SYNE1: variants seen among roughly 807,000 people sequenced by gnomAD.
SYNE1 encodes nesprin-1.
A neutral mutation model predicts 1,111.0 loss-of-function variants in SYNE1; 616 were observed. That is an observed-to-expected ratio of 0.55 (90% confidence interval 0.52 to 0.59). SYNE1 has a LOEUF of 0.59. SYNE1 is among the 20% of genes least tolerant of loss of function. The probability of loss-of-function intolerance (pLI) is 0.00; values close to 1 mark genes in which losing one functional copy is unlikely to be tolerated. For missense variants in SYNE1, 10,006 were observed against 10,417.0 expected (o/e 0.96, Z 1.72); for synonymous variants, 3,855 against 3,825.8 (o/e 1.01, Z -0.28).
At chr6:152,390,988 A>G (rs1430068674) in intron 52 of SYNE1, among the ~76,000 whole-genome samples, 1 of 152,172 alleles carries the variant, frequency 6.6e-6, no homozygotes, top group Non-Finnish European at 1.5e-5. Flanking sequence ...TTTTATCTCT[A>G]TATTCCCAGC....
rs1317244788 is a variant in SYNE1, at chr6:152,416,916, G to A, written c.5521C>T (p.Leu1841Phe). 1.9e-6 allele frequency: 3 copies of A among 1,614,008 alleles called. No individual in the cohort carries two copies. Among genetic ancestry groups the A allele is most frequent in the Non-Finnish European group, 2.5e-6 (3 of 1,180,012 alleles). The change falls in exon 41 of 146, where the codon CTC becomes TTC. Residue 1841 changes from leucine to phenylalanine, a missense_variant. Around this residue, in one of 7 missense-constraint regions of SYNE1, gnomAD observed 4,955 missense variants for 5,017.2 expected, o/e 0.99. Transcript: ENST00000367255. ...CAGTCCTCAGCCTTTCCCTGCAGGA[G>A]GTGGAGGTCCTCAGCACGGCCCAGA... ...GSLGRAEDLH[L>F]LQGKAEDCFQ...
chr6:152,506,984 G>A (rs1166478985), intron 8 of SYNE1, among the ~76,000 whole-genome samples: 1 of 152,062 alleles, frequency 6.6e-6, no homozygotes, highest in Admixed American at 6.6e-5. Flanking sequence ...TTGATCATTG[G>A]CTTCATCAAT....
intron 11 of SYNE1, among the ~76,000 whole-genome samples, chr6:152,493,170 A>C (rs1183162254): frequency 2.6e-5 from 4 of 151,972 alleles, no homozygotes; most frequent in Admixed American, 1.3e-4. Flanking sequence ...ATTAAAATCT[A>C]ATCATCCTTA....
intron 95 of SYNE1, among the ~76,000 whole-genome samples, chr6:152,285,826 C>CT (rs1439289603): frequency 1.3e-5 from 2 of 152,060 alleles, no homozygotes; most frequent in African/African-American, 4.8e-5. Flanking sequence ...TTTTATTTCT[C>CT]TTTTTTGGAG....
chr6:152,574,130 T>C (rs1362330859), intron 3 of SYNE1, among the ~76,000 whole-genome samples: 1 of 145,932 alleles, frequency 6.9e-6, no homozygotes, highest in Admixed American at 6.7e-5. Context: ...TCTACAGTTA[T>C]GGAATATATA....
intron 91 of SYNE1, 126 bp from the exon 92 acceptor site, chr6:152,302,189 T>A: frequency 1.5e-6 from 2 of 1,293,450 alleles, no homozygotes; most frequent in Non-Finnish European, 2.2e-6. Context: ...GGAGGCAGGA[T>A]GTGTAGGCGG....
rs1442714301 is a variant in SYNE1 at position 152,450,753 on chromosome 6, TG to T, written c.3266del (p.Pro1089GlnfsTer6). 6.2e-7 allele frequency: 1 copy of T among 1,614,000 alleles called. No homozygotes were observed. Among genetic ancestry groups the T allele is most frequent in the Non-Finnish European group, 8.5e-7 (1 of 1,180,020 alleles). The stretch of plus-strand genomic sequence containing the variant: ...GTGTGTCCCTTACTGGGTCCCGCAC[TG>T]GGAGTTTCACACAGAGTTCCTCGAT... The part of the protein sequence containing the change: ...QLIEELCVKL[P>X]VRDPVRDTPG... On this transcript the variant is annotated frameshift_variant, in exon 27 of 146. Coordinates refer to ENST00000367255, the MANE Select transcript of SYNE1 (RefSeq NM_182961.4). LOFTEE classifies it high-confidence loss of function.
intron 107 of SYNE1, 66 bp from the exon 108 acceptor site, chr6:152,239,772 T>C: frequency 6.3e-7 from 1 of 1,591,428 alleles, no homozygotes; most frequent in Non-Finnish European, 8.6e-7. Context: ...TCAAAATTGG[T>C]TTAGGGCCGG....
At chr6:152,518,306 C>G (rs2099122555) in intron 6 of SYNE1, among the ~76,000 whole-genome samples, 1 of 151,360 alleles carries the variant, frequency 6.6e-6, no homozygotes, top group East Asian at 1.9e-4. Context: ...GAAAGTGAAC[C>G]CTGGTGGGAA....
intron 116 of SYNE1, 70 bp from the exon 117 acceptor site, chr6:152,224,734 T>C (rs995891184): frequency 2.7e-6 from 4 of 1,459,584 alleles, no homozygotes; most frequent in Admixed American, 1.7e-5. Context: ...ATTCAATTGA[T>C]GGGAAAATAT....
intron 126 of SYNE1, among the ~76,000 whole-genome samples, chr6:152,205,503 A>G (rs772515394): frequency 2.0e-5 from 3 of 152,248 alleles, no homozygotes; most frequent in Admixed American, 6.5e-5. Flanking sequence ...TTGGTTTACC[A>G]TGATTTTAAC....
intron 141 of SYNE1, 129 bp from the exon 142 acceptor site, chr6:152,135,361 G>A (rs2056818807): frequency 4.1e-6 from 4 of 974,290 alleles, no homozygotes; most frequent in Admixed American, 4.2e-5. Flanking sequence ...TCCTTTCTGA[G>A]GAAGGCACTG....
chr6:152,451,276 CA>C lies in SYNE1; in HGVS notation c.3028-72del, dbSNP rs3835245. ...TTATGTACATTCCCAATTGAAGTGG[CA>C]AAAAAAAAAACAAAAACCATAACAT... is the stretch of plus-strand genomic sequence containing the variant. On this transcript the variant is annotated intron_variant, in intron 25 of 145. Transcript: ENST00000367255. 537,590 of 1,241,726 alleles carry C rather than the reference CA, an allele frequency of 0.43. 89,651 individuals are homozygous for C. Among genetic ancestry groups the C allele is most frequent in the East Asian group, 0.71 (25,850 of 36,466 alleles). 76.9% of individuals were successfully genotyped at this position (1,241,726 alleles called of 1,614,324 possible).
intron 145 of SYNE1, among the ~76,000 whole-genome samples, chr6:152,122,975 TG>T (rs1341488620): frequency 9.9e-5 from 15 of 152,272 alleles, no homozygotes; most frequent in African/African-American, 3.6e-4. Flanking sequence ...CGAAAATAAC[TG>T]CTCTATACAC....
chr6:152,498,880 G>T, intron 10 of SYNE1, 88 bp from the exon 11 acceptor site: 1 of 702,542 alleles, frequency 1.4e-6, no homozygotes, highest in Non-Finnish European at 2.2e-6. Context: ...TCAATGGAAA[G>T]GCATCCGCCT....
At chr6:152,196,532 G>T (rs1307301581) in intron 127 of SYNE1, among the ~76,000 whole-genome samples, 1 of 151,934 alleles carries the variant, frequency 6.6e-6, no homozygotes, top group Admixed American at 6.6e-5. Context: ...TCCCTTCAAT[G>T]CAGCAGGTTC....
In SYNE1 at chr6:152,330,412, A is replaced by C. The variant is rs761756669; in HGVS notation, c.14273T>G (p.Leu4758Ter). Residue 4758 changes from leucine to a stop codon, truncating the protein, a stop_gained, in exon 78 of 146, where the codon TTA becomes TGA. Coordinates refer to ENST00000367255, the MANE Select transcript of SYNE1 (RefSeq NM_182961.4). LOFTEE classifies it high-confidence loss of function. Reference protein sequence around the residue: ...QPDKMLHLVTLYHRLKRQTEQ... With the variant: ...QPDKMLHLVT ...TGTTTGTCGCTTCAGCCTGTGATAT[A>C]AGGTGACAAGGTGCAGCATCTTGTC... 1 of 1,614,122 alleles carries C rather than the reference A, an allele frequency of 6.2e-7. No homozygotes were observed. Among genetic ancestry groups the C allele is most frequent in the Non-Finnish European group, 8.5e-7 (1 of 1,180,034 alleles).
rs114112018 is a variant in SYNE1 at position 152,536,999 on chromosome 6, G to A, written c.129+2961C>T. Among the ~76,000 whole-genome samples the A allele has an allele frequency of 9.2e-3, 1,408 of 152,232 alleles. 23 individuals are homozygous for A. The highest frequency in any genetic ancestry group is 0.03 in the African/African-American group (1,248 of 41,546). The stretch of plus-strand genomic sequence containing the variant: ...CAATAAGTGCTGATAAGCTAGATGT[G>A]AGTCAGAAACTTGACTTTGAAAAAC... On this transcript the variant is annotated intron_variant, in intron 4 of 145. Coordinates refer to ENST00000367255, the MANE Select transcript of SYNE1 (RefSeq NM_182961.4).
intron 97 of SYNE1, among the ~76,000 whole-genome samples, chr6:152,278,934 A>C (rs1018731919): frequency 1.3e-5 from 2 of 151,782 alleles, no homozygotes; most frequent in Admixed American, 6.6e-5. Context: ...CACCTGGCTA[A>C]ATTTTTTATT....
Sources: allele counts gnomAD v4.1 joint callset (sites outside exome capture counted in the v4.1 genomes callset), GRCh38; gene constraint gnomAD v4.1.1; regional missense constraint gnomAD v4.1.1; transcripts MANE v1.5; gene names NCBI Gene and HGNC (gene_info 2026-07-23, HGNC 2026-07-21).